Variants in ZC3H12B observed in about 807,000 individuals in gnomAD.
ZC3H12B encodes the protein probable ribonuclease ZC3H12B.
A neutral mutation model predicts 43.9 loss-of-function variants in ZC3H12B; 7 were observed. The observed-to-expected ratio is 0.16, with a 90% CI of 0.09 to 0.30. ZC3H12B has a LOEUF of 0.30. ZC3H12B is among the 10% of genes least tolerant of loss of function. The pLI, the probability that ZC3H12B is intolerant of heterozygous loss-of-function variation, is 1.00. For synonymous variants in ZC3H12B, 222 were observed against 241.7 expected (o/e 0.92, Z 0.76); for missense variants, 475 against 670.2 (o/e 0.71, Z 3.22).
the ZC3H12B span, among the ~76,000 whole-genome samples, chrX:65,055,252 T>C: frequency 9.0e-6 from 1 of 111,697 alleles, no homozygotes; most frequent in East Asian, 2.8e-4. Context: ...TATTTTGAGA[T>C]ATGTCCCATC....
At chrX:65,159,359 A>G in the ZC3H12B span, among the ~76,000 whole-genome samples, 2 of 111,848 alleles carry the variant, frequency 1.8e-5, no homozygotes, top group African/African-American at 3.2e-5. Flanking sequence ...TACCTTGGGC[A>G]GTATGGCCGT....
the ZC3H12B span, among the ~76,000 whole-genome samples, chrX:65,284,397 G>T: frequency 1.2e-4 from 13 of 111,523 alleles, no homozygotes; most frequent in Non-Finnish European, 2.3e-4. Context: ...CAATCTCAGT[G>T]AGATAGAGGG....
At chrX:65,160,075 G>T in the ZC3H12B span, among the ~76,000 whole-genome samples, 1 of 111,965 alleles carries the variant, frequency 8.9e-6, no homozygotes, top group African/African-American at 3.2e-5. Context: ...TTATTGATTT[G>T]TGTATATTGA....
chrX:65,230,534 T>C, the ZC3H12B span, among the ~76,000 whole-genome samples: 1 of 105,185 alleles, frequency 9.5e-6, no homozygotes, highest in African/African-American at 3.5e-5. Context: ...TAAAGTATGA[T>C]ATTAATTAAA....
intron 3 of ZC3H12B, among the ~76,000 whole-genome samples, chrX:65,411,204 A>G (rs1386000752): frequency 8.9e-6 from 1 of 112,333 alleles, no homozygotes; most frequent in Non-Finnish European, 1.9e-5. Context: ...AGCCAGGCAC[A>G]GACTGAGAAA....
intron 3 of ZC3H12B, among the ~76,000 whole-genome samples, chrX:65,479,129 C>A (rs1355542916): frequency 9.0e-6 from 1 of 111,309 alleles, no homozygotes; most frequent in Non-Finnish European, 1.9e-5. Context: ...AATAATAATT[C>A]TATGGAGATG....
chrX:65,191,497 G>C, the ZC3H12B span, among the ~76,000 whole-genome samples: 1 of 102,382 alleles, frequency 9.8e-6, no homozygotes, highest in South Asian at 4.1e-4. Context: ...GGTCTATTCA[G>C]AGATTCAACT....
chrX:65,153,317 T>C, the ZC3H12B span, among the ~76,000 whole-genome samples: 147 of 110,810 alleles, frequency 1.3e-3, 1 homozygote, highest in Middle Eastern at 4.6e-3. Context: ...TGGGAGAAAA[T>C]TTTTGCAACC....
At chrX:65,494,648 G>A (rs1056138993) in intron 1 of ZC3H12B, among the ~76,000 whole-genome samples, 89 of 109,357 alleles carry the variant, frequency 8.1e-4, no homozygotes, top group African/African-American at 2.6e-3. Flanking sequence ...GGGCATGTTG[G>A]CGTGCGTTTG....
chrX:65,102,743 C>T, the ZC3H12B span, among the ~76,000 whole-genome samples: 1 of 111,228 alleles, frequency 9.0e-6, no homozygotes. Context: ...GAACCCGTCC[C>T]CGATAATTCA....
the ZC3H12B span, among the ~76,000 whole-genome samples, chrX:65,067,364 A>G: frequency 9.0e-6 from 1 of 111,620 alleles, no homozygotes; most frequent in Non-Finnish European, 1.9e-5. Context: ...CTCACAGCAC[A>G]GTCTCGCACA....
intron 3 of ZC3H12B, among the ~76,000 whole-genome samples, chrX:65,482,135 T>A (rs901151720): frequency 8.9e-6 from 1 of 112,050 alleles, no homozygotes; most frequent in African/African-American, 3.2e-5. Flanking sequence ...TGTTGTTAAC[T>A]GAATGAGATG....
chrX:65,248,190 A>G, the ZC3H12B span, among the ~76,000 whole-genome samples: 1 of 110,090 alleles, frequency 9.1e-6, no homozygotes, highest in East Asian at 2.9e-4. Context: ...GACCGCCACC[A>G]CGCCCAGCTA....
the ZC3H12B span, among the ~76,000 whole-genome samples, chrX:65,214,999 G>C: frequency 9.0e-6 from 1 of 111,540 alleles, no homozygotes; most frequent in Non-Finnish European, 1.9e-5. Context: ...CATTGTCAAT[G>C]AGCAGTAATA....
At chrX:65,423,784 T>G (rs2067048236) in intron 3 of ZC3H12B, among the ~76,000 whole-genome samples, 2 of 112,169 alleles carry the variant, frequency 1.8e-5, no homozygotes, top group African/African-American at 6.5e-5. Flanking sequence ...TGCAAAAATT[T>G]TCTCTCATTC....
chrX:65,317,536 C>A, the ZC3H12B span, among the ~76,000 whole-genome samples: 1 of 109,069 alleles, frequency 9.2e-6, no homozygotes, highest in African/African-American at 3.3e-5. Flanking sequence ...CCTTTCCCAC[C>A]CTTTCCTTAT....
the ZC3H12B span, among the ~76,000 whole-genome samples, chrX:65,161,110 A>C: frequency 1.8e-5 from 2 of 111,308 alleles, no homozygotes; most frequent in African/African-American, 6.6e-5. Flanking sequence ...GTTTGATTGC[A>C]CTGTGGTCTG....
At chrX:65,062,297 T>TA in the ZC3H12B span, among the ~76,000 whole-genome samples, 1 of 112,312 alleles carries the variant, frequency 8.9e-6, no homozygotes, top group Non-Finnish European at 1.9e-5. Flanking sequence ...TTTTAGGTCT[T>TA]ACGTTTAAGT....
the ZC3H12B span, among the ~76,000 whole-genome samples, chrX:65,060,925 A>C: frequency 2.7e-5 from 3 of 111,544 alleles, no homozygotes; most frequent in Non-Finnish European, 3.8e-5. Context: ...ACTTGTTACT[A>C]TAGCTTCATT....
Sources: allele counts gnomAD v4.1 joint callset (sites outside exome capture counted in the v4.1 genomes callset), GRCh38; gene constraint gnomAD v4.1.1; transcripts MANE v1.5; gene names NCBI Gene and HGNC (gene_info 2026-07-23, HGNC 2026-07-21).